Variants in STPG2 observed in about 807,000 individuals in gnomAD.
The protein encoded by STPG2 is sperm tail PG-rich repeat containing 2.
STPG2 carries 56 observed loss-of-function variants against 54.2 expected under a neutral mutation model. That is an observed-to-expected ratio of 1.03 (90% CI 0.83 to 1.29). The LOEUF is 1.29. Ranked by LOEUF, STPG2 falls within the 50% of genes most tolerant of loss-of-function variation. The probability of loss-of-function intolerance (pLI) is 0.00; values close to 1 mark genes in which losing one functional copy is unlikely to be tolerated. For synonymous variants in STPG2, 200 were observed against 181.8 expected (o/e 1.10, Z -0.81); for missense variants, 596 against 544.9 (o/e 1.09, Z -0.93).
intron 7 of STPG2, among the ~76,000 whole-genome samples, chr4:97,960,308 T>C (rs1733837763): frequency 1.3e-5 from 2 of 152,136 alleles, no homozygotes; most frequent in African/African-American, 4.8e-5. Flanking sequence ...ATGCCTACTC[T>C]CACCACTTCT....
chr4:97,990,647 T>C (rs559765370), intron 5 of STPG2, among the ~76,000 whole-genome samples: 4 of 152,220 alleles, frequency 2.6e-5, no homozygotes, highest in Non-Finnish European at 4.4e-5. Flanking sequence ...ATCACTACCA[T>C]AGCATCTTTT....
At chr4:97,884,272 C>A (rs1200860060) in intron 8 of STPG2, among the ~76,000 whole-genome samples, 1 of 152,046 alleles carries the variant, frequency 6.6e-6, no homozygotes, top group Non-Finnish European at 1.5e-5. Flanking sequence ...ACGTGTCTTC[C>A]CAAAATTTTT....
intron 9 of STPG2, among the ~76,000 whole-genome samples, chr4:97,765,888 A>G (rs1388843284): frequency 6.6e-6 from 1 of 152,152 alleles, no homozygotes; most frequent in African/African-American, 2.4e-5. Context: ...TATAAGAGTA[A>G]GAGAACTGTT....
intron 4 of STPG2, among the ~76,000 whole-genome samples, chr4:97,468,303 A>G (rs1262915072): frequency 6.6e-6 from 1 of 152,022 alleles, no homozygotes; most frequent in Admixed American, 6.6e-5. Flanking sequence ...TTAAAAATAC[A>G]TATCTATACC....
At chr4:97,452,278 T>C (rs967295541) in intron 4 of STPG2, among the ~76,000 whole-genome samples, 1 of 151,980 alleles carries the variant, frequency 6.6e-6, no homozygotes, top group African/African-American at 2.4e-5. Flanking sequence ...CTCCCGGCTC[T>C]CCACACCTTC....
chr4:97,915,166 G>T (rs527795429), intron 8 of STPG2, among the ~76,000 whole-genome samples: 2 of 152,182 alleles, frequency 1.3e-5, no homozygotes, highest in East Asian at 1.9e-4. Flanking sequence ...GTTACTAAGG[G>T]TAACTCACTA....
chr4:98,134,558 G>A (rs1318500654), intron 1 of STPG2, 99 bp from the exon 2 acceptor site: 3 of 498,618 alleles, frequency 6.0e-6, no homozygotes, highest in African/African-American at 2.2e-5. Flanking sequence ...ATCCTCAATT[G>A]TTAAGACTTT....
At chr4:97,854,463 TATA>T (rs1191111301) in intron 8 of STPG2, among the ~76,000 whole-genome samples, 4 of 148,428 alleles carry the variant, frequency 2.7e-5, no homozygotes, top group Non-Finnish European at 5.9e-5. Context: ...AACAATATAA[TATA>T]ATGTATCATA....
At chr4:97,879,950 A>G (rs1303380036) in intron 8 of STPG2, among the ~76,000 whole-genome samples, 1 of 152,214 alleles carries the variant, frequency 6.6e-6, no homozygotes, top group African/African-American at 2.4e-5. Context: ...ATTTCTGAGT[A>G]TATATCTAAA....
intron 8 of STPG2, among the ~76,000 whole-genome samples, chr4:97,905,806 C>G (rs569240818): frequency 6.6e-6 from 1 of 152,058 alleles, no homozygotes; most frequent in Non-Finnish European, 1.5e-5. Context: ...AGTTGCAATT[C>G]TTTGAAACCA....
intron 4 of STPG2, among the ~76,000 whole-genome samples, chr4:97,537,452 AC>A: frequency 6.6e-6 from 1 of 152,312 alleles, no homozygotes; most frequent in Non-Finnish European, 1.5e-5. Flanking sequence ...TGTTGCTAGC[AC>A]AGCAGTCTGA....
chr4:97,924,840 TATC>T (rs1344393500), intron 8 of STPG2, among the ~76,000 whole-genome samples: 1 of 152,204 alleles, frequency 6.6e-6, no homozygotes, highest in Non-Finnish European at 1.5e-5. Context: ...ATCATCTCTG[TATC>T]ATTTTTAATA....
chr4:97,540,007 G>A (rs1282857411), intron 4 of STPG2, among the ~76,000 whole-genome samples: 1 of 152,124 alleles, frequency 6.6e-6, no homozygotes, highest in African/African-American at 2.4e-5. Context: ...GGCACTAAAT[G>A]CCCACAAGAG....
chr4:97,546,774 A>G (rs1335553459), intron 4 of STPG2, among the ~76,000 whole-genome samples: 1 of 152,228 alleles, frequency 6.6e-6, no homozygotes, highest in African/African-American at 2.4e-5. Context: ...TCACTAATTA[A>G]GTAATACATA....
intron 4 of STPG2, among the ~76,000 whole-genome samples, chr4:97,553,307 C>T (rs1045609758): frequency 6.6e-6 from 1 of 152,096 alleles, no homozygotes; most frequent in Admixed American, 6.5e-5. Context: ...ATTTTTGTTA[C>T]ATAATAATAT....
chr4:97,730,195 A>G (rs893213109), intron 9 of STPG2, among the ~76,000 whole-genome samples: 1 of 151,984 alleles, frequency 6.6e-6, no homozygotes. Context: ...CTACTGACCC[A>G]TCTTTATGTC....
At chr4:97,716,766 T>C (rs1283289739) in intron 9 of STPG2, among the ~76,000 whole-genome samples, 1 of 151,156 alleles carries the variant, frequency 6.6e-6, no homozygotes, top group African/African-American at 2.4e-5. Flanking sequence ...AGGTGATGGG[T>C]TGATGGGTGC....
chr4:97,853,312 A>G (rs2149133175), intron 8 of STPG2, among the ~76,000 whole-genome samples: 1 of 152,228 alleles, frequency 6.6e-6, no homozygotes, highest in African/African-American at 2.4e-5. Flanking sequence ...CAATACTCCC[A>G]TCTGTTGCCA....
intron 8 of STPG2, among the ~76,000 whole-genome samples, chr4:97,887,752 T>C (rs1730631625): frequency 6.6e-6 from 1 of 152,104 alleles, no homozygotes; most frequent in Non-Finnish European, 1.5e-5. Flanking sequence ...GTACTAATAG[T>C]AAAGACAATG....
Sources: allele counts gnomAD v4.1 joint callset (sites outside exome capture counted in the v4.1 genomes callset), GRCh38; gene constraint gnomAD v4.1.1; transcripts MANE v1.5; gene names NCBI Gene and HGNC (gene_info 2026-07-23, HGNC 2026-07-21).